The following ROCK2 variants were observed in gnomAD, a reference collection of about 807,000 sequenced individuals.
ROCK2 encodes the protein rho-associated protein kinase 2.
Under a neutral mutation model 195.1 loss-of-function variants are expected in ROCK2, and 61 were observed. The observed-to-expected ratio is 0.31, with a 90% CI of 0.25 to 0.39. ROCK2 has a LOEUF of 0.39. ROCK2 is among the 10% of genes least tolerant of loss of function. The pLI is 1.00. For synonymous variants in ROCK2, 504 were observed against 545.5 expected (o/e 0.92, Z 1.06); for missense variants, 1,109 against 1,637.4 (o/e 0.68, Z 5.57).
chr2:11,255,385 C>A (rs2148136446), intron 3 of ROCK2, among the ~76,000 whole-genome samples: 1 of 150,772 alleles, frequency 6.6e-6, no homozygotes, highest in East Asian at 1.9e-4. Context: ...ACCCCAGAGT[C>A]TCTACCATAC....
At chr2:11,317,585 TATATATATATATATATATATATATA>T (rs1558388118) in intron 1 of ROCK2, among the ~76,000 whole-genome samples, 1 of 11,620 alleles carries the variant, frequency 8.6e-5, no homozygotes, top group Non-Finnish European at 1.7e-4. Context: ...TTTATATATA[TATATATATATATATATATATATATA>T]TATTTTTTTT....
intron 3 of ROCK2, among the ~76,000 whole-genome samples, chr2:11,262,713 T>A (rs1421467115): frequency 6.6e-6 from 1 of 152,170 alleles, no homozygotes; most frequent in Admixed American, 6.5e-5. Flanking sequence ...GTAAGTCCAA[T>A]AAACTTCTTT....
chr2:11,197,077 G>C lies in ROCK2; in HGVS notation c.3448+103C>G, dbSNP rs1255032062. The C allele has an allele frequency of 1.4e-6, 1 of 701,690 alleles. No individual in the cohort carries two copies. The highest frequency in any genetic ancestry group is 2.2e-6 in the Non-Finnish European group (1 of 462,784). 43.5% of individuals were successfully genotyped at this position (701,690 alleles called of 1,614,324 possible). A position where few individuals can be genotyped will look rare whatever the true frequency, so the allele number is the denominator to read the frequency against. Reference sequence around the variant, plus strand: ...TCCAAGGAGTAGGTTTTCCCTTAAAGAAATTACAAACATTTTTCCTTCAGA... The same window carrying C: ...TCCAAGGAGTAGGTTTTCCCTTAAACAAATTACAAACATTTTTCCTTCAGA... On this transcript the variant is annotated intron_variant, in intron 27 of 32. Transcript: ENST00000315872. The surrounding 1 kb of genome is among the most constrained non-coding windows in gnomAD (Gnocchi z 4.9).
intron 1 of ROCK2, among the ~76,000 whole-genome samples, chr2:11,302,549 T>A (rs1252898425): frequency 6.6e-6 from 1 of 152,204 alleles, no homozygotes; most frequent in East Asian, 1.9e-4. Context: ...CCAATCTGAC[T>A]TCCCACTATT....
In ROCK2 at chr2:11,201,499, T is replaced by C; in HGVS notation, c.2620-86A>G. ...AAAGCTATTCAGACAAAAAGGAGAATGAACACATACAAATATTTTCTTACT... is the reference window on the plus strand; with the variant it reads ...AAAGCTATTCAGACAAAAAGGAGAACGAACACATACAAATATTTTCTTACT... On this transcript the variant is annotated intron_variant, in intron 21 of 32. Transcript: ENST00000315872. The surrounding 1 kb of genome is among the most constrained non-coding windows in gnomAD (Gnocchi z 4.6). 1 of 758,270 alleles carries C rather than the reference T, an allele frequency of 1.3e-6. No homozygotes were observed. The highest frequency in any genetic ancestry group is 2.2e-5 in the Admixed American group (1 of 46,500). 47.0% of individuals were successfully genotyped at this position (758,270 alleles called of 1,614,324 possible).
In ROCK2 at chr2:11,198,749, G is replaced by C. The variant is rs201098449; in HGVS notation, c.2936C>G (p.Thr979Ser). 1 of 1,603,962 alleles carries C rather than the reference G, an allele frequency of 6.2e-7. No homozygotes were observed. The highest frequency in any genetic ancestry group is 8.5e-7 in the Non-Finnish European group (1 of 1,175,174). The change falls in exon 24 of 33, where the codon ACT becomes AGT. Residue 979 changes from threonine to serine, a missense_variant. Thr to Ser is a moderately conservative substitution (Grantham distance 58). Around this residue, in one of 6 missense-constraint regions of ROCK2, gnomAD observed 542 missense variants for 672.0 expected, o/e 0.81. Transcript: ENST00000315872. ...ATTTGCAAGATTGGCAACATCACTA[G>C]TTAGTGTCCTATTAGTTTCCTCAAG... is the stretch of plus-strand genomic sequence containing the variant. ...ASLEETNRTLTSDVANLANEK... is the reference protein window; with the variant it reads ...ASLEETNRTLSSDVANLANEK...
At chr2:11,211,887 C>A (rs1038545263) in intron 17 of ROCK2, 47 bp from the exon 18 acceptor site, 1 of 1,398,486 alleles carries the variant, frequency 7.2e-7, no homozygotes. Flanking sequence ...GAGACTAGCT[C>A]ACAATTTCAA....
intron 1 of ROCK2, chr2:11,308,524 A>T: frequency 6.5e-7 from 1 of 1,545,878 alleles, no homozygotes. Flanking sequence ...GAATGACATT[A>T]CTCACTATCA....
In ROCK2 at chr2:11,192,108, T is replaced by G; in HGVS notation, c.4163+40A>C. 1 of 1,407,346 alleles carries G rather than the reference T, an allele frequency of 7.1e-7. No individual in the cohort carries two copies. The highest frequency in any genetic ancestry group is 9.8e-7 in the Non-Finnish European group (1 of 1,024,230). 87.2% of individuals were successfully genotyped at this position (1,407,346 alleles called of 1,614,324 possible). ...GAACATAAATAGCAAAATATTTTAATAGACTTTTTTTTTTTCCTTACCACA... is the reference window on the plus strand; with the variant it reads ...GAACATAAATAGCAAAATATTTTAAGAGACTTTTTTTTTTTCCTTACCACA... On this transcript the variant is annotated intron_variant, in intron 32 of 32. Coordinates refer to ENST00000315872, the MANE Select transcript of ROCK2 (RefSeq NM_004850.5). This position sits in a 1 kb window ranked among gnomAD's most constrained non-coding sequence, Gnocchi z 5.0.
chr2:11,202,041 C>A lies in ROCK2; in HGVS notation c.2619+11G>T. 6.2e-7 allele frequency: 1 copy of A among 1,609,374 alleles called. No individual in the cohort carries two copies. Among genetic ancestry groups the A allele is most frequent in the Non-Finnish European group, 8.5e-7 (1 of 1,175,912 alleles). On this transcript the variant is annotated intron_variant, in intron 21 of 32. Transcript: ENST00000315872. The stretch of plus-strand genomic sequence containing the variant: ...GTTTGCTATTTGCAAATTAATGTGT[C>A]TTGAACTTACTGAGAAATACTGTTC...
chr2:11,326,315 C>A (rs114475860), intron 1 of ROCK2, among the ~76,000 whole-genome samples: 12 of 151,996 alleles, frequency 7.9e-5, no homozygotes, highest in African/African-American at 2.4e-4. Flanking sequence ...TGAGGCTTTG[C>A]GTACTGTCAT....
At chr2:11,229,634 AC>A (rs1228307940) in intron 5 of ROCK2, among the ~76,000 whole-genome samples, 26 of 151,930 alleles carry the variant, frequency 1.7e-4, no homozygotes, top group African/African-American at 6.3e-4. Flanking sequence ...AAAAAAAAAA[AC>A]AAGAAATGAA....
At chr2:11,319,490 G>A (rs1346315389) in intron 1 of ROCK2, among the ~76,000 whole-genome samples, 1 of 152,192 alleles carries the variant, frequency 6.6e-6, no homozygotes, top group Admixed American at 6.5e-5. Context: ...TCAGCTTAAG[G>A]AGATTTTGGG....
At chr2:11,183,477 T>C in intron 32 of ROCK2, 37 bp from the exon 33 acceptor site, 1 of 1,491,414 alleles carries the variant, frequency 6.7e-7, no homozygotes, top group Non-Finnish European at 9.3e-7. Flanking sequence ...GTTGATACAG[T>C]GAAATAATTT....
In ROCK2 at chr2:11,201,478, C is replaced by A. The variant is rs1190138826; in HGVS notation, c.2620-65G>T. On this transcript the variant is annotated intron_variant, in intron 21 of 32. Coordinates refer to ENST00000315872, the MANE Select transcript of ROCK2 (RefSeq NM_004850.5). The surrounding 1 kb of genome is among the most constrained non-coding windows in gnomAD (Gnocchi z 4.6). ...GAAATATTACTTCTACATTCAAAAG[C>A]TATTCAGACAAAAAGGAGAATGAAC... 13 of 886,852 alleles carry A rather than the reference C, an allele frequency of 1.5e-5. No individual in the cohort carries two copies. The highest frequency in any genetic ancestry group is 2.4e-5 in the Non-Finnish European group (13 of 541,904). 54.9% of individuals were successfully genotyped at this position (886,852 alleles called of 1,614,324 possible).
intron 18 of ROCK2, 146 bp from the exon 19 acceptor site, chr2:11,208,593 TTTC>T (rs1664138993): frequency 4.8e-6 from 2 of 417,992 alleles, no homozygotes; most frequent in African/African-American, 2.1e-5. Context: ...ATTTTCTTTT[TTTC>T]TTTTCTTTTT....
rs553385521 is a variant in ROCK2, at chr2:11,286,811, A to G, written c.224-172T>C. 3.3e-5 allele frequency among the ~76,000 whole-genome samples: 5 copies of G among 152,330 alleles called. No individual in the cohort carries two copies. In the East Asian group the frequency reaches 9.6e-4, roughly 29 times the overall value. Reference sequence around the variant, plus strand: ...GATATACATTAACGTTAAAGAACCAAAACTCTCTATGGTTTATTAACACAT... The same window carrying G: ...GATATACATTAACGTTAAAGAACCAGAACTCTCTATGGTTTATTAACACAT... On this transcript the variant is annotated intron_variant, in intron 2 of 32. Transcript: ENST00000315872.
intron 3 of ROCK2, among the ~76,000 whole-genome samples, chr2:11,280,939 A>C (rs995357780): frequency 6.6e-6 from 1 of 152,162 alleles, no homozygotes; most frequent in South Asian, 2.1e-4. Flanking sequence ...AAGATATTAC[A>C]AGAAAACTAC....
intron 5 of ROCK2, 78 bp from the exon 6 acceptor site, chr2:11,227,476 T>A: frequency 5.4e-6 from 7 of 1,289,942 alleles, no homozygotes; most frequent in Non-Finnish European, 6.5e-6. Context: ...ATCCATTTAT[T>A]ACTAGATATA....
Sources: allele counts gnomAD v4.1 joint callset (sites outside exome capture counted in the v4.1 genomes callset), GRCh38; gene constraint gnomAD v4.1.1; regional missense constraint gnomAD v4.1.1; non-coding constraint Gnocchi (gnomAD v3.1); transcripts MANE v1.5; gene names NCBI Gene and HGNC (gene_info 2026-07-23, HGNC 2026-07-21).